Variants in SCN11A observed in about 807,000 individuals in gnomAD.
SCN11A encodes sodium voltage-gated channel alpha subunit 11.
A neutral mutation model predicts 162.2 loss-of-function variants in SCN11A; 122 were observed. That is an observed-to-expected ratio of 0.75 (90% confidence interval 0.65 to 0.87). The LOEUF is 0.87. Among genes scored for constraint, SCN11A ranks in the 40% least tolerant of loss-of-function variants. The probability of loss-of-function intolerance (pLI) is 0.00; values close to 1 mark genes in which losing one functional copy is unlikely to be tolerated. For missense variants in SCN11A, 2,015 were observed against 2,181.6 expected (o/e 0.92, Z 1.52); for synonymous variants, 758 against 751.5 (o/e 1.01, Z -0.14).
At position 38,942,156 on chromosome 3, in the gene SCN11A, A is replaced by G. The variant is rs1451276777; in HGVS notation, c.488+3255T>C. ...GAATGAATACATCAGGAGGATAATA[A>G]TAATCATCGTAAATATGTATGTACC... On this transcript the variant is annotated intron_variant, in intron 7 of 29. Coordinates refer to ENST00000302328, the MANE Select transcript of SCN11A (RefSeq NM_001349253.2). Among the ~76,000 whole-genome samples, 3 of 152,316 alleles carry G rather than the reference A, an allele frequency of 2.0e-5. No homozygotes were observed. In the East Asian group the frequency reaches 5.8e-4, roughly 29 times the overall value.
At chr3:38,894,385 T>G (rs1386039485) in intron 19 of SCN11A, 148 bp downstream of exon 19, 5 of 700,010 alleles carry the variant, frequency 7.1e-6, no homozygotes, top group Non-Finnish European at 1.2e-5. Context: ...AAAGAACCTG[T>G]CCTGAGATGT....
intron 2 of SCN11A, among the ~76,000 whole-genome samples, chr3:38,970,132 G>C (rs533664846): frequency 1.8e-4 from 27 of 152,230 alleles, no homozygotes; most frequent in Non-Finnish European, 2.5e-4. Flanking sequence ...AGGGGAGAGA[G>C]CGGAGGAGGG....
At chr3:38,936,939 G>A (rs529326698) in intron 7 of SCN11A, among the ~76,000 whole-genome samples, 157 of 152,060 alleles carry the variant, frequency 1.0e-3, no homozygotes, top group Middle Eastern at 6.3e-3. Context: ...AAAGAACAAA[G>A]CTGGAGGCAT....
intron 7 of SCN11A, among the ~76,000 whole-genome samples, chr3:38,937,910 G>T (rs1394206059): frequency 9.2e-5 from 14 of 152,184 alleles, no homozygotes; most frequent in African/African-American, 3.4e-4. Context: ...AAATCATGCT[G>T]CTATAAAGAC....
intron 1 of SCN11A, among the ~76,000 whole-genome samples, chr3:39,041,505 T>C (rs1241301902): frequency 6.6e-6 from 1 of 152,202 alleles, no homozygotes; most frequent in Non-Finnish European, 1.5e-5. Flanking sequence ...ACTAACAGCA[T>C]TTTTCTCAGC....
Position 38,903,884 on chromosome 3 carries a change from ATCT to A in SCN11A, c.1820_1822del (p.Lys607del), listed in dbSNP as rs1418284178. ...TGTTACCAAATTCCCTATATTCAAC[ATCT>A]TCTCAAAACTGGCCTCCATCTTGTG... On this transcript the variant is annotated inframe_deletion, in exon 16 of 30. Transcript: ENST00000302328. 1 of 1,604,592 alleles carries A rather than the reference ATCT, an allele frequency of 6.2e-7. No individual in the cohort carries two copies. Among genetic ancestry groups the A allele is most frequent in the Non-Finnish European group, 8.5e-7 (1 of 1,176,466 alleles).
chr3:39,018,700 C>T, intron 2 of SCN11A, among the ~76,000 whole-genome samples: 1 of 152,080 alleles, frequency 6.6e-6, no homozygotes, highest in Non-Finnish European at 1.5e-5. Context: ...CACCTGTAGT[C>T]CCAGCTACTT....
At chr3:38,884,499 C>T (rs1044365376) in intron 21 of SCN11A, among the ~76,000 whole-genome samples, 1 of 152,194 alleles carries the variant, frequency 6.6e-6, no homozygotes, top group African/African-American at 2.4e-5. Flanking sequence ...ATTTGTTTCA[C>T]TTATTTATTT....
intron 17 of SCN11A, among the ~76,000 whole-genome samples, chr3:38,898,807 G>C (rs1156606614): frequency 6.6e-6 from 1 of 152,054 alleles, no homozygotes; most frequent in Non-Finnish European, 1.5e-5. Context: ...GAAGAGGACT[G>C]TCATTGTCTA....
chr3:38,967,083 A>G (rs2066787540), intron 2 of SCN11A, among the ~76,000 whole-genome samples: 1 of 152,186 alleles, frequency 6.6e-6, no homozygotes, highest in South Asian at 2.1e-4. Context: ...CTGTCTGAGG[A>G]ACCACATAGA....
chr3:38,957,910 G>A (rs1364366984), intron 3 of SCN11A, among the ~76,000 whole-genome samples: 2 of 152,180 alleles, frequency 1.3e-5, no homozygotes, highest in African/African-American at 4.8e-5. Flanking sequence ...CCATGTGTAC[G>A]TCTGCACCAG....
At chr3:38,964,996 A>C (rs983756508) in intron 2 of SCN11A, among the ~76,000 whole-genome samples, 3 of 152,232 alleles carry the variant, frequency 2.0e-5, no homozygotes, top group African/African-American at 7.2e-5. Context: ...TGCCGCTTAG[A>C]AGAGTGAACA....
At chr3:38,985,712 G>A (rs190516721) in intron 2 of SCN11A, among the ~76,000 whole-genome samples, 1 of 151,176 alleles carries the variant, frequency 6.6e-6, no homozygotes, top group East Asian at 1.9e-4. Flanking sequence ...CTGGGATGGT[G>A]AAAACTAGAA....
At chr3:38,950,957 G>C (rs1038475007) in intron 4 of SCN11A, among the ~76,000 whole-genome samples, 3 of 152,244 alleles carry the variant, frequency 2.0e-5, no homozygotes, top group East Asian at 1.9e-4. Flanking sequence ...CTAGGACTTC[G>C]ACCCTAAGAA....
At chr3:38,987,125 G>A (rs2030275066) in intron 2 of SCN11A, among the ~76,000 whole-genome samples, 1 of 152,078 alleles carries the variant, frequency 6.6e-6, no homozygotes, top group Non-Finnish European at 1.5e-5. Context: ...GACAGAAGCT[G>A]AGTATCTTTG....
rs551891220 is a variant in SCN11A, at chr3:38,974,737, G to A, written c.-279-14314C>T. ...AAGAAAAGAAAAGAAAAGAAAAGAA[G>A]GCCTAATTCAAGTCTAATTGAATTT... On this transcript the variant is annotated intron_variant, in intron 2 of 29. Coordinates refer to ENST00000302328, the MANE Select transcript of SCN11A (RefSeq NM_001349253.2). Among the ~76,000 whole-genome samples, 294 of 130,086 alleles carry A rather than the reference G, an allele frequency of 2.3e-3. 1 individual carries two copies. Among genetic ancestry groups the A allele is most frequent in the Non-Finnish European group, 2.6e-3 (149 of 58,372 alleles). The allele number at this position is 130,086 out of a possible 152,430, so 85.3% of individuals were successfully genotyped here. A position where few individuals can be genotyped will look rare whatever the true frequency, so the allele number is the denominator to read the frequency against.
chr3:38,924,336 C>T (rs905266541), intron 9 of SCN11A, among the ~76,000 whole-genome samples: 1 of 151,766 alleles, frequency 6.6e-6, no homozygotes, highest in African/African-American at 2.4e-5. Flanking sequence ...CTCAGCTTCT[C>T]GAGTAGCTGA....
chr3:39,002,486 G>A (rs889379397), intron 2 of SCN11A, among the ~76,000 whole-genome samples: 81 of 152,170 alleles, frequency 5.3e-4, no homozygotes, highest in Non-Finnish European at 2.5e-4. Context: ...CTTCTAAGAA[G>A]GGATTTGTAT....
intron 2 of SCN11A, among the ~76,000 whole-genome samples, chr3:38,963,390 GGAGATATA>G (rs2066757413): frequency 2.5e-5 from 1 of 39,772 alleles, no homozygotes; most frequent in African/African-American, 1.4e-4. Context: ...TATATATGAT[GGAGATATA>G]TATATATATA....
Sources: gnomAD v4.1 joint callset for allele counts (sites outside exome capture counted in the v4.1 genomes callset) on GRCh38, gnomAD v4.1.1 for gene constraint, MANE v1.5 for transcripts, NCBI Gene and HGNC (gene_info 2026-07-23, HGNC 2026-07-21) for gene names.